Variants in FAM53A observed in about 807,000 individuals in gnomAD.
FAM53A encodes the protein protein FAM53A.
In FAM53A, 28 loss-of-function variants were observed where a neutral mutation model predicts 26.6. That is an observed-to-expected ratio of 1.05 (90% CI 0.78 to 1.45). The LOEUF (loss-of-function observed/expected upper bound fraction) is 1.45, where lower values mean the gene tolerates loss of function less well. Among genes scored for constraint, FAM53A ranks in the 40% most tolerant of loss-of-function variants. The pLI is 0.00. For missense variants in FAM53A, 650 were observed against 575.8 expected, an observed-to-expected ratio of 1.13 and a Z score of -1.32; for synonymous variants, 290 against 253.1, an observed-to-expected ratio of 1.15 and a Z score of -1.38.
downstream of FAM53A, among the ~76,000 whole-genome samples, chr4:1,613,965 C>T (rs749320745): frequency 4.6e-5 from 7 of 152,302 alleles, no homozygotes; most frequent in East Asian, 3.9e-4. Flanking sequence ...GATACGAAAA[C>T]GTCAGAGAAC....
intron 2 of FAM53A, among the ~76,000 whole-genome samples, chr4:1,657,794 C>T (rs1021766581): frequency 3.3e-5 from 5 of 151,902 alleles, no homozygotes; most frequent in South Asian, 2.1e-4. Context: ...CCCACCACCA[C>T]GCCCGGTTAA....
chr4:1,606,767 GC>G, the FAM53A span, among the ~76,000 whole-genome samples: 4 of 152,222 alleles, frequency 2.6e-5, no homozygotes, highest in Admixed American at 6.5e-5. Context: ...AGGGACTCGG[GC>G]AGCCACGCCC....
intron 4 of FAM53A, among the ~76,000 whole-genome samples, chr4:1,652,168 C>CACACGCCACACACACCAT (rs1435866003): frequency 7.0e-6 from 1 of 143,506 alleles, no homozygotes; most frequent in Non-Finnish European, 1.5e-5. Context: ...ACACACACCC[C>CACACGCCACACACACCAT]ACACGCCACA....
downstream of FAM53A, among the ~76,000 whole-genome samples, chr4:1,636,965 T>TCCCCC (rs34786643): frequency 5.9e-4 from 90 of 151,514 alleles, no homozygotes; most frequent in Non-Finnish European, 1.2e-3. Context: ...CTGCCCCTCC[T>TCCCCC]CCCCCCAGGG....
In FAM53A at chr4:1,668,668, G is replaced by A. The variant is rs147207710; in HGVS notation, c.74C>T (p.Pro25Leu). The A allele has an allele frequency of 7.6e-4, 1,220 of 1,614,016 alleles. 1 individual carries two copies. Among genetic ancestry groups the A allele is most frequent in the Non-Finnish European group, 9.5e-4 (1,124 of 1,180,012 alleles). ...DDLTCKAEAGPLQYSAETLNK... is the reference protein window; with the variant it reads ...DDLTCKAEAGLLQYSAETLNK... The stretch of plus-strand genomic sequence containing the variant: ...CTGGTGCCACCTGCAGCTGCTTACC[G>A]GGCCAGCCTCCGCCTTGCAGGTGAG... Residue 25 changes from proline (P) to leucine (L), a missense_variant and splice_region_variant, in exon 2 of 5, where the codon CCG becomes CTG. Physicochemically the swap from Pro to Leu is moderately conservative, Grantham distance 98. Coordinates refer to ENST00000308132, the MANE Select transcript of FAM53A (RefSeq NM_001174070.3).
the FAM53A span, among the ~76,000 whole-genome samples, chr4:1,603,391 G>T: frequency 6.6e-6 from 1 of 152,170 alleles, no homozygotes; most frequent in African/African-American, 2.4e-5. Flanking sequence ...AGGCAGAGCC[G>T]ACCACAGCAA....
the FAM53A span, among the ~76,000 whole-genome samples, chr4:1,597,982 C>T: frequency 1.3e-5 from 2 of 152,190 alleles, no homozygotes; most frequent in Admixed American, 6.5e-5. Context: ...GGCAACAGAG[C>T]GAGGCTCCAA....
At chr4:1,600,280 G>A in the FAM53A span, among the ~76,000 whole-genome samples, 3 of 152,136 alleles carry the variant, frequency 2.0e-5, no homozygotes, top group African/African-American at 7.2e-5. Context: ...CCTGAAGTTG[G>A]GGCACGCAGG....
At chr4:1,669,029 C>G (rs1714447277) in intron 1 of FAM53A, 124 bp from the exon 2 acceptor site, 1 of 355,372 alleles carries the variant, frequency 2.8e-6, no homozygotes, top group African/African-American at 2.1e-5. Context: ...CAAACACCCT[C>G]CCATTTTCAA....
the FAM53A span, among the ~76,000 whole-genome samples, chr4:1,596,251 C>T: frequency 1.3e-5 from 2 of 152,232 alleles, no homozygotes; most frequent in South Asian, 2.1e-4. Flanking sequence ...GGCTGAGGGA[C>T]GCTGGGCTGG....
At chr4:1,676,293 T>C (rs983106422) in intron 1 of FAM53A, among the ~76,000 whole-genome samples, 3 of 152,090 alleles carry the variant, frequency 2.0e-5, no homozygotes, top group Non-Finnish European at 4.4e-5. Flanking sequence ...CCCACCGCAT[T>C]CTCCCTGCGT....
the FAM53A span, among the ~76,000 whole-genome samples, chr4:1,581,761 A>AT: frequency 7.2e-5 from 11 of 152,124 alleles, no homozygotes; most frequent in Non-Finnish European, 1.2e-4. Flanking sequence ...TACCCAGCTA[A>AT]TTTTTATATT....
At chr4:1,602,717 C>A in the FAM53A span, among the ~76,000 whole-genome samples, 1 of 152,170 alleles carries the variant, frequency 6.6e-6, no homozygotes, top group Non-Finnish European at 1.5e-5. Flanking sequence ...GAGCGAGACC[C>A]GGTGTAAGGT....
At chr4:1,618,684 G>A (rs985385567) in intron 1 of FAM53A, among the ~76,000 whole-genome samples, 23 of 152,288 alleles carry the variant, frequency 1.5e-4, no homozygotes, top group African/African-American at 4.8e-4. Flanking sequence ...ATTCCATGCC[G>A]CCGGCCTCCC....
intron 2 of FAM53A, among the ~76,000 whole-genome samples, chr4:1,658,503 G>A (rs1713584194): frequency 6.6e-6 from 1 of 152,224 alleles, no homozygotes; most frequent in South Asian, 2.1e-4. Context: ...GCTCAGACAC[G>A]GGACCTGAGC....
intron 1 of FAM53A, among the ~76,000 whole-genome samples, chr4:1,677,881 G>A (rs1019406213): frequency 6.6e-6 from 1 of 152,196 alleles, no homozygotes; most frequent in Non-Finnish European, 1.5e-5. Context: ...GGAGGCAGAG[G>A]TCGCAATGAG....
downstream of FAM53A, among the ~76,000 whole-genome samples, chr4:1,639,471 A>T (rs991468118): frequency 6.6e-5 from 10 of 151,800 alleles, no homozygotes; most frequent in African/African-American, 2.4e-4. Context: ...AGCAGGTGAC[A>T]CTCTCTTGAG....
chr4:1,684,454 CG>C (rs969390890), upstream of FAM53A, among the ~76,000 whole-genome samples: 3 of 149,488 alleles, frequency 2.0e-5, no homozygotes, highest in Non-Finnish European at 4.5e-5. Context: ...ACGGAGGGGG[CG>C]GGGCCTCCAG....
the FAM53A span, among the ~76,000 whole-genome samples, chr4:1,607,593 A>T: frequency 6.6e-6 from 1 of 151,822 alleles, no homozygotes; most frequent in Non-Finnish European, 1.5e-5. Flanking sequence ...CCCACCACTG[A>T]TGTCCCCTAA....
Sources: gnomAD v4.1 joint callset for allele counts (sites outside exome capture counted in the v4.1 genomes callset) on GRCh38, gnomAD v4.1.1 for gene constraint, MANE v1.5 for transcripts, NCBI Gene and HGNC (gene_info 2026-07-23, HGNC 2026-07-21) for gene names.